CLSTN2: variants seen among roughly 807,000 people sequenced by gnomAD.
The protein encoded by CLSTN2 is calsyntenin-2.
Under a neutral mutation model 101.2 loss-of-function variants are expected in CLSTN2, and 48 were observed. The ratio of observed to expected loss-of-function variants is 0.47; its 90% CI spans 0.38 to 0.60. CLSTN2 has a LOEUF of 0.60. Ranked by LOEUF, CLSTN2 falls within the 20% of genes least tolerant of loss-of-function variation. CLSTN2 has a pLI of 0.00. For missense variants in CLSTN2, 1,160 were observed against 1,238.2 expected (o/e 0.94, Z 0.95); for synonymous variants, 481 against 463.6 (o/e 1.04, Z -0.48).
intron 2 of CLSTN2, among the ~76,000 whole-genome samples, chr3:140,237,276 C>T (rs555454621): frequency 1.2e-4 from 18 of 152,284 alleles, no homozygotes; most frequent in African/African-American, 3.8e-4. Flanking sequence ...ACTACTGACG[C>T]AATACTCCAT....
chr3:140,134,758 G>A (rs1012234944), intron 1 of CLSTN2, among the ~76,000 whole-genome samples: 1 of 152,118 alleles, frequency 6.6e-6, no homozygotes, highest in Non-Finnish European at 1.5e-5. Flanking sequence ...GGGGGAAGGA[G>A]AGGGTGGAGG....
intron 5 of CLSTN2, among the ~76,000 whole-genome samples, chr3:140,431,921 G>A (rs1267612888): frequency 6.6e-6 from 1 of 152,186 alleles, no homozygotes; most frequent in South Asian, 2.1e-4. Flanking sequence ...AGAGATTCCA[G>A]CATAGAAGTA....
intron 2 of CLSTN2, among the ~76,000 whole-genome samples, chr3:140,280,114 T>A (rs550322203): frequency 6.6e-6 from 1 of 152,266 alleles, no homozygotes; most frequent in South Asian, 2.1e-4. Flanking sequence ...CAAACTGAAA[T>A]ATTCATGCTC....
chr3:140,558,888 T>A, intron 12 of CLSTN2, 31 bp downstream of exon 12: 1 of 1,582,646 alleles, frequency 6.3e-7, no homozygotes, highest in East Asian at 2.2e-5. Context: ...GTGGGGAGGG[T>A]GGACCTTAAT....
At chr3:140,351,165 G>T (rs1564396) in intron 2 of CLSTN2, among the ~76,000 whole-genome samples, 2,514 of 152,244 alleles carry the variant, frequency 0.017, 62 homozygotes, top group African/African-American at 0.058. Flanking sequence ...GCAAGAGCTT[G>T]TCAAAATAAA....
intron 1 of CLSTN2, among the ~76,000 whole-genome samples, chr3:140,171,875 AATAT>A (rs1299806727): frequency 4.8e-5 from 6 of 124,660 alleles, no homozygotes; most frequent in Admixed American, 2.0e-4. Flanking sequence ...AACAATATAT[AATAT>A]ATATATTATA....
chr3:140,257,561 G>GGGGT (rs1553726037), intron 2 of CLSTN2, among the ~76,000 whole-genome samples: 3 of 93,010 alleles, frequency 3.2e-5, no homozygotes, highest in African/African-American at 4.9e-5. Flanking sequence ...TCTTTCTAGG[G>GGGGT]GTGTGTGTGT....
intron 2 of CLSTN2, among the ~76,000 whole-genome samples, chr3:140,388,226 G>C (rs902977155): frequency 6.6e-6 from 1 of 152,212 alleles, no homozygotes; most frequent in African/African-American, 2.4e-5. Context: ...ATAAATATCT[G>C]CTGGGTTTTT....
intron 1 of CLSTN2, among the ~76,000 whole-genome samples, chr3:139,938,807 A>G (rs1172051234): frequency 1.3e-5 from 2 of 152,190 alleles, no homozygotes; most frequent in Non-Finnish European, 1.5e-5. Context: ...CATAGAGGTC[A>G]TTTGGAACAA....
In CLSTN2 at chr3:140,566,625, G is replaced by C. The variant is rs1327961884; in HGVS notation, c.*372G>C. On this transcript the variant is annotated 3_prime_UTR_variant, in exon 17 of 17. Coordinates refer to ENST00000458420, the MANE Select transcript of CLSTN2 (RefSeq NM_022131.3). ...GGCTCAGAGTCCCCAAGGCCCTGGG[G>C]TTCCAACTCACTGTGCGTCTCCTCC... The C allele has an allele frequency of 3.5e-6, 1 of 284,842 alleles. No homozygotes were observed. Among genetic ancestry groups the C allele is most frequent in the African/African-American group, 2.1e-5 (1 of 47,016 alleles). The allele number at this position is 284,842 out of a possible 1,614,324, so 17.6% of individuals were successfully genotyped here.
chr3:140,470,493 A>T (rs931535434), intron 8 of CLSTN2, among the ~76,000 whole-genome samples: 1 of 152,154 alleles, frequency 6.6e-6, no homozygotes, highest in Non-Finnish European at 1.5e-5. Flanking sequence ...GGCTGGGGTC[A>T]GGGCGTGTGA....
intron 1 of CLSTN2, among the ~76,000 whole-genome samples, chr3:139,945,951 C>T (rs1321192951): frequency 6.6e-6 from 1 of 152,168 alleles, no homozygotes; most frequent in Non-Finnish European, 1.5e-5. Flanking sequence ...ACACTATGAA[C>T]TGAAAGTGTT....
chr3:139,973,233 T>C (rs1224092458), intron 1 of CLSTN2, among the ~76,000 whole-genome samples: 1 of 152,224 alleles, frequency 6.6e-6, no homozygotes, highest in Non-Finnish European at 1.5e-5. Context: ...GTTTCCTTCA[T>C]GACTGAGAAG....
At chr3:140,270,593 T>C (rs552172761) in intron 2 of CLSTN2, among the ~76,000 whole-genome samples, 1 of 152,228 alleles carries the variant, frequency 6.6e-6, no homozygotes, top group South Asian at 2.1e-4. Context: ...GAATCCTCTA[T>C]ATGAGCCTGG....
At chr3:139,976,104 A>C (rs948889091) in intron 1 of CLSTN2, among the ~76,000 whole-genome samples, 2 of 152,204 alleles carry the variant, frequency 1.3e-5, no homozygotes, top group African/African-American at 4.8e-5. Flanking sequence ...GACATTTCAG[A>C]ATCTGTCCAA....
chr3:140,178,384 A>T (rs574027044), intron 2 of CLSTN2, among the ~76,000 whole-genome samples: 2 of 152,356 alleles, frequency 1.3e-5, no homozygotes, highest in South Asian at 4.1e-4. Context: ...GAAACCCACC[A>T]AATGCCTTTA....
At chr3:140,445,988 G>T (rs1377322041) in intron 5 of CLSTN2, among the ~76,000 whole-genome samples, 2 of 147,938 alleles carry the variant, frequency 1.4e-5, no homozygotes, top group East Asian at 4.0e-4. Context: ...ATCCCGGAAG[G>T]ACACATGGAG....
intron 2 of CLSTN2, among the ~76,000 whole-genome samples, chr3:140,242,290 C>G (rs1401991132): frequency 1.3e-5 from 2 of 152,152 alleles, no homozygotes; most frequent in Non-Finnish European, 2.9e-5. Flanking sequence ...GAAAGACTAA[C>G]AGAAACCATG....
At chr3:140,554,098 G>A (rs1430800222) in intron 10 of CLSTN2, among the ~76,000 whole-genome samples, 1 of 152,160 alleles carries the variant, frequency 6.6e-6, no homozygotes, top group Non-Finnish European at 1.5e-5. Flanking sequence ...TATAATAGTG[G>A]TGTTACCATT....
Sources: gnomAD v4.1 joint callset for allele counts (sites outside exome capture counted in the v4.1 genomes callset) on GRCh38, gnomAD v4.1.1 for gene constraint, MANE v1.5 for transcripts, NCBI Gene and HGNC (gene_info 2026-07-23, HGNC 2026-07-21) for gene names.